The following CARD14 variants were observed in gnomAD, a reference collection of about 807,000 sequenced individuals.
CARD14 encodes caspase recruitment domain family member 14, also known as caspase recruitment domain-containing protein 14.
CARD14 carries 107 observed loss-of-function variants against 111.5 expected under a neutral mutation model. That is an observed-to-expected ratio of 0.96 (90% CI 0.82 to 1.13). The LOEUF (loss-of-function observed/expected upper bound fraction) is 1.13. Among genes scored for constraint, CARD14 ranks in the 50% most tolerant of loss-of-function variants. The pLI, the probability that CARD14 is intolerant of heterozygous loss-of-function variation, is 0.00. For missense variants in CARD14, 1,322 were observed against 1,362.3 expected, an observed-to-expected ratio of 0.97 and a Z score of 0.47; for synonymous variants, 617 against 579.6, an observed-to-expected ratio of 1.06 and a Z score of -0.93.
rs896764846 is a variant in CARD14 at position 80,201,248 on chromosome 17, G to C, written c.1852-496G>C. 1 of 161,602 alleles carries C rather than the reference G, an allele frequency of 6.2e-6. No individual in the cohort carries two copies. Among genetic ancestry groups the C allele is most frequent in the African/African-American group, 2.4e-5 (1 of 41,462 alleles). 10.0% of individuals were successfully genotyped at this position (161,602 alleles called of 1,614,324 possible). On this transcript the variant is annotated intron_variant, in intron 16 of 23. Coordinates refer to ENST00000648509, the MANE Select transcript of CARD14 (RefSeq NM_001366385.1). The surrounding 1 kb of genome is among the most constrained non-coding windows in gnomAD (Gnocchi z 5.0). Reference sequence around the variant, plus strand: ...ATATTGAGAAGAAATGAAGTGGATGGTGGAAGCCCTGGGGGGTGGGCCTTC... The same window carrying C: ...ATATTGAGAAGAAATGAAGTGGATGCTGGAAGCCCTGGGGGGTGGGCCTTC...
chr17:80,181,289 T>G (rs2040164946), intron 4 of CARD14, 130 bp from the exon 5 acceptor site: 3 of 681,544 alleles, frequency 4.4e-6, no homozygotes, highest in Non-Finnish European at 7.4e-6. Flanking sequence ...ATCTCAAGAC[T>G]GTGGGTTCTG....
chr17:80,205,513 G>T lies in CARD14; in HGVS notation c.2570-18G>T. 1 of 1,579,598 alleles carries T rather than the reference G, an allele frequency of 6.3e-7. No individual in the cohort carries two copies. Among genetic ancestry groups the T allele is most frequent in the Non-Finnish European group, 8.6e-7 (1 of 1,161,910 alleles). ...CACACAGCTGGTCTATGATGGCCCC[G>T]TCCAATGTCACCTGTAGAGTACTTG... is the stretch of plus-strand genomic sequence containing the variant. On this transcript the variant is annotated intron_variant, in intron 21 of 23. Transcript: ENST00000648509.
chr17:80,198,117 G>T lies in CARD14; in HGVS notation c.1613G>T (p.Ser538Ile). The change falls in exon 15 of 24, where the codon AGC becomes ATC. Residue 538 changes from serine (S) to isoleucine (I), a missense_variant. Ser to Ile is a moderately radical substitution (Grantham distance 142). Transcript: ENST00000648509. This position sits in a 1 kb window ranked among gnomAD's most constrained non-coding sequence, Gnocchi z 7.5. ...CTCCCAGACCTTCCGCAGCTGGAAA[G>T]CAGCCTGCAGCCAGTCTCCCCTGGA... Reference protein sequence around the residue: ...LDTADLPQLESSLQPVSPGRL... With the variant: ...LDTADLPQLEISLQPVSPGRL... 1 of 1,613,632 alleles carries T rather than the reference G, an allele frequency of 6.2e-7. No individual in the cohort carries two copies. Among genetic ancestry groups the T allele is most frequent in the Non-Finnish European group, 8.5e-7 (1 of 1,179,990 alleles).
At position 80,195,177 on chromosome 17, in the gene CARD14, C is replaced by A; in HGVS notation, c.1357-14C>A. ...TCGTGCGTGCCCCACTGACTTCTGC[C>A]CTCCCTCCTCCAGTCTCAGCTCTTG... On this transcript the variant is annotated splice_polypyrimidine_tract_variant and intron_variant, in intron 12 of 23. Transcript: ENST00000648509. This position sits in a 1 kb window ranked among gnomAD's most constrained non-coding sequence, Gnocchi z 4.7. The A allele has an allele frequency of 6.3e-7, 1 of 1,589,816 alleles. No homozygotes were observed. Among genetic ancestry groups the A allele is most frequent in the South Asian group, 1.1e-5 (1 of 89,938 alleles).
At chr17:80,196,526 C>T (rs1211304336) in intron 14 of CARD14, 1 of 152,242 alleles carries the variant, frequency 6.6e-6, no homozygotes, top group Non-Finnish European at 1.5e-5. Context: ...CCAGAGTACA[C>T]AGCTCATTTC....
At chr17:80,199,724 C>CAAA (rs553403089) in intron 16 of CARD14, among the ~76,000 whole-genome samples, 33 of 116,684 alleles carry the variant, frequency 2.8e-4, no homozygotes, top group African/African-American at 8.9e-4. Context: ...ACTAAAAATA[C>CAAA]AAAAAAAAAA....
chr17:80,184,064 C>T lies in CARD14; in HGVS notation c.501C>T (p.Ala167=), dbSNP rs767412272. Residue 167 remains alanine (A), a synonymous_variant, in exon 7 of 24, where the codon GCC becomes GCT. Coordinates refer to ENST00000648509, the MANE Select transcript of CARD14 (RefSeq NM_001366385.1). The stretch of plus-strand genomic sequence containing the variant: ...ACCTGGGCCTGGCCGAGACCCGTGC[C>T]GAGGGCCTGCACCAGCTGGAGGCTG... ...QEHLGLAETR[A]EGLHQLEADH... is the part of the protein sequence containing the mutation. 13 of 1,585,698 alleles carry T rather than the reference C, an allele frequency of 8.2e-6. No individual in the cohort carries two copies. The highest frequency in any genetic ancestry group is 1.8e-5 in the Admixed American group (1 of 55,164).
At chr17:80,181,010 C>T (rs1459235253) in intron 4 of CARD14, among the ~76,000 whole-genome samples, 1 of 151,948 alleles carries the variant, frequency 6.6e-6, no homozygotes, top group Non-Finnish European at 1.5e-5. Context: ...CAATCCTTCC[C>T]CCTTCGCCTC....
At chr17:80,190,628 AAGAGAG>A in intron 9 of CARD14, 140 bp from the exon 10 acceptor site, 1 of 481,432 alleles carries the variant, frequency 2.1e-6, no homozygotes. Flanking sequence ...AAAAAAAAAA[AAGAGAG>A]AGAGAGACGA....
rs1177159671 is a variant in CARD14, at chr17:80,182,777, C to T, written c.336C>T (p.Phe112=). 6.2e-7 allele frequency: 1 copy of T among 1,614,084 alleles called. No individual in the cohort carries two copies. The highest frequency in any genetic ancestry group is 1.3e-5 in the African/African-American group (1 of 74,942). ...LVTGLQPDVD[F]SNFSGLMETS... ...CCGGGCTGCAGCCTGATGTTGACTT[C>T]AGTAACTTTAGCGGTGAGAGCTCCG... Residue 112 remains phenylalanine (F), a synonymous_variant, in exon 6 of 24, where the codon TTC becomes TTT. Transcript: ENST00000648509. This position sits in a 1 kb window ranked among gnomAD's most constrained non-coding sequence, Gnocchi z 4.7.
At chr17:80,193,503 G>C (rs1053510267) in intron 12 of CARD14, among the ~76,000 whole-genome samples, 1 of 152,226 alleles carries the variant, frequency 6.6e-6, no homozygotes, top group Admixed American at 6.5e-5. Context: ...AAGTAAAGAG[G>C]TGGTCCCACC....
chr17:80,184,247 A>ACACCCTG lies in CARD14; in HGVS notation c.675+15_675+21dup. The ACACCCTG allele has an allele frequency of 4.0e-6, 6 of 1,506,836 alleles. No homozygotes were observed. Among genetic ancestry groups the ACACCCTG allele is most frequent in the Non-Finnish European group, 3.6e-6 (4 of 1,122,462 alleles). 93.3% of individuals were successfully genotyped at this position (1,506,836 alleles called of 1,614,324 possible). A position where few individuals can be genotyped will look rare whatever the true frequency, so the allele number is the denominator to read the frequency against. On this transcript the variant is annotated intron_variant, in intron 7 of 23. Coordinates refer to ENST00000648509, the MANE Select transcript of CARD14 (RefSeq NM_001366385.1). The stretch of plus-strand genomic sequence containing the variant: ...GCAGCCTGCAGGAGGAGGTAGGGGG[A>ACACCCTG]CACCCTGCACCCCGGCGCGACCCTG...
chr17:80,173,458 T>A (rs901017698), intron 2 of CARD14, among the ~76,000 whole-genome samples: 1 of 152,212 alleles, frequency 6.6e-6, no homozygotes, highest in Non-Finnish European at 1.5e-5. Context: ...ATATTCTACA[T>A]GATTGAAATG....
At position 80,208,224 on chromosome 17, in the gene CARD14, G is replaced by A. The variant is rs769815186; in HGVS notation, c.2894G>A (p.Cys965Tyr). Residue 965 changes from cysteine (C) to tyrosine (Y), a missense_variant, in exon 24 of 24, where the codon TGT (cysteine) becomes TAT (tyrosine). Transcript: ENST00000648509. ...QEEGDLDRAP[C>Y]LYSSLAPDGW... ...GAGGGAGACCTGGACCGGGCGCCCT[G>A]TCTATACAGCAGCCTGGCTCCTGAC... 2 of 1,567,236 alleles carry A rather than the reference G, an allele frequency of 1.3e-6. No homozygotes were observed. Among genetic ancestry groups the A allele is most frequent in the Non-Finnish European group, 1.7e-6 (2 of 1,155,980 alleles).
Position 80,201,911 on chromosome 17 carries a change from A to C in CARD14, c.1978+41A>C, listed in dbSNP as rs2040998092. On this transcript the variant is annotated intron_variant, in intron 17 of 23. Coordinates refer to ENST00000648509, the MANE Select transcript of CARD14 (RefSeq NM_001366385.1). This position sits in a 1 kb window ranked among gnomAD's most constrained non-coding sequence, Gnocchi z 5.0. Reference sequence around the variant, plus strand: ...CTCTCGTGTGCACAGCTGCCTGGCCAGACTCCATGACCCTTAAGTCCCTGG... The same window carrying C: ...CTCTCGTGTGCACAGCTGCCTGGCCCGACTCCATGACCCTTAAGTCCCTGG... 5 of 1,576,388 alleles carry C rather than the reference A, an allele frequency of 3.2e-6. No homozygotes were observed. The highest frequency in any genetic ancestry group is 1.3e-5 in the African/African-American group (1 of 74,136).
In CARD14 at chr17:80,182,789, C is replaced by T. The variant is rs775819149; in HGVS notation, c.348C>T (p.Ser116=). The stretch of plus-strand genomic sequence containing the variant: ...CTGATGTTGACTTCAGTAACTTTAG[C>T]GGTGAGAGCTCCGACTTTGACGGTT... ...LQPDVDFSNF[S]GLMETSKLTE... is the part of the protein sequence containing the mutation. Residue 116 remains serine, a splice_region_variant and synonymous_variant, in exon 6 of 24, where the codon AGC becomes AGT. Transcript: ENST00000648509. The surrounding 1 kb of genome is among the most constrained non-coding windows in gnomAD (Gnocchi z 4.7). 7.4e-6 allele frequency: 12 copies of T among 1,613,994 alleles called. No homozygotes were observed. The highest frequency in any genetic ancestry group is 1.6e-4 in the Middle Eastern group (1 of 6,082).
Position 80,201,980 on chromosome 17 carries a change from G to A in CARD14, c.1978+110G>A, listed in dbSNP as rs1377992509. 2.1e-6 allele frequency: 3 copies of A among 1,419,440 alleles called. No individual in the cohort carries two copies. Among genetic ancestry groups the A allele is most frequent in the Non-Finnish European group, 2.9e-6 (3 of 1,049,768 alleles). The allele number at this position is 1,419,440 out of a possible 1,614,324, so 87.9% of individuals were successfully genotyped here. A position where few individuals can be genotyped will look rare whatever the true frequency, so the allele number is the denominator to read the frequency against. On this transcript the variant is annotated intron_variant, in intron 17 of 23. Transcript: ENST00000648509. The surrounding 1 kb of genome is among the most constrained non-coding windows in gnomAD (Gnocchi z 5.0). ...AGCAGCCAGGGACCCCCAGAGCCAA[G>A]AGAGGATCAGCCAGGCTGTGCCCCA... is the stretch of plus-strand genomic sequence containing the variant.
rs989789988 is a variant in CARD14, at chr17:80,208,261, C to T, written c.2931C>T (p.Asp977=). Residue 977 remains aspartate, a synonymous_variant, in exon 24 of 24, where the codon GAC becomes GAT. Transcript: ENST00000648509. ...YSSLAPDGWS[D]LDGLLSCVRQ... ...GCCTGGCTCCTGACGGCTGGAGCGA[C>T]CTGGACGGCCTGCTCAGCTGTGTCC... 6.3e-7 allele frequency: 1 copy of T among 1,590,878 alleles called. No individual in the cohort carries two copies. The highest frequency in any genetic ancestry group is 1.3e-5 in the African/African-American group (1 of 74,838).
chr17:80,194,509 G>A (rs918695064), intron 12 of CARD14, among the ~76,000 whole-genome samples: 7 of 152,332 alleles, frequency 4.6e-5, no homozygotes, highest in African/African-American at 1.7e-4. Context: ...CAACCTCTCT[G>A]GGCCTCAGTT....
Sources: allele counts gnomAD v4.1 joint callset (sites outside exome capture counted in the v4.1 genomes callset), GRCh38; gene constraint gnomAD v4.1.1; non-coding constraint Gnocchi (gnomAD v3.1); transcripts MANE v1.5; gene names NCBI Gene and HGNC (gene_info 2026-07-23, HGNC 2026-07-21).